The following DRICH1 variants were observed in gnomAD, a reference collection of about 807,000 sequenced individuals.
The protein encoded by DRICH1 is aspartate-rich protein 1.
DRICH1 carries 38 observed loss-of-function variants against 39.5 expected under a neutral mutation model. That is an observed-to-expected ratio of 0.96 (90% confidence interval 0.74 to 1.26). The LOEUF (loss-of-function observed/expected upper bound fraction) is 1.26, where lower values mean the gene tolerates loss of function less well. Ranked by LOEUF, DRICH1 falls within the 50% of genes most tolerant of loss-of-function variation. The pLI, the probability that DRICH1 is intolerant of heterozygous loss-of-function variation, is 0.00. For missense variants in DRICH1, 279 were observed against 270.4 expected, an observed-to-expected ratio of 1.03 and a Z score of -0.22; for synonymous variants, 84 against 99.5, an observed-to-expected ratio of 0.84 and a Z score of 0.93.
At position 23,632,219 on chromosome 22, in the gene DRICH1, T is replaced by G; in HGVS notation, c.-196A>C. ...TCTATGAGGTCAGGGACCTGCTGTC[T>G]TCTTTGAAAAATAAACGAACATGAC... On this transcript the variant is annotated 5_prime_UTR_variant, in exon 1 of 12. Transcript: ENST00000317749. 1 of 875,042 alleles carries G rather than the reference T, an allele frequency of 1.1e-6. No individual in the cohort carries two copies. Among genetic ancestry groups the G allele is most frequent in the South Asian group, 1.8e-5 (1 of 54,286 alleles). The allele number at this position is 875,042 out of a possible 1,614,324, so 54.2% of individuals were successfully genotyped here.
chr22:23,614,180 T>C lies in DRICH1; in HGVS notation c.576A>G (p.Ser192=), dbSNP rs1197660598. The C allele has an allele frequency of 6.2e-7, 1 of 1,613,854 alleles. No homozygotes were observed. Among genetic ancestry groups the C allele is most frequent in the African/African-American group, 1.3e-5 (1 of 74,940 alleles). The change falls in exon 9 of 12, where the codon TCA becomes TCG. Residue 192 remains serine, a synonymous_variant. Coordinates refer to ENST00000317749, the MANE Select transcript of DRICH1 (RefSeq NM_016449.4). The part of the protein sequence containing the change: ...CSEDSLFLRC[S]LRHKDEEEED... Reference sequence around the variant, plus strand: ...CTTCTTCTTCATCTTTGTGTCTCAGTGAGCATCTTAAAAACAGGCTATCTT... The same window carrying C: ...CTTCTTCTTCATCTTTGTGTCTCAGCGAGCATCTTAAAAACAGGCTATCTT...
At chr22:23,585,526 C>A in the DRICH1 span, among the ~76,000 whole-genome samples, 1 of 151,564 alleles carries the variant, frequency 6.6e-6, no homozygotes, top group Non-Finnish European at 1.5e-5. Flanking sequence ...TGTGGGTTTT[C>A]TTTTCTTTTT....
chr22:23,607,812 A>G (rs1419454312), downstream of DRICH1, among the ~76,000 whole-genome samples: 1 of 152,110 alleles, frequency 6.6e-6, no homozygotes, highest in East Asian at 1.9e-4. Flanking sequence ...GTCCACTGTG[A>G]CCACCATCCT....
At chr22:23,586,613 G>A in the DRICH1 span, among the ~76,000 whole-genome samples, 4 of 152,112 alleles carry the variant, frequency 2.6e-5, no homozygotes, top group Admixed American at 6.5e-5. Flanking sequence ...GCAGAATCTC[G>A]GCTCACTGCA....
chr22:23,616,474 G>T (rs745777308), intron 8 of DRICH1, among the ~76,000 whole-genome samples: 3 of 152,094 alleles, frequency 2.0e-5, no homozygotes, highest in Non-Finnish European at 4.4e-5. Flanking sequence ...CAAGCAGCAG[G>T]TATAACATGA....
rs1478292611 is a variant in DRICH1, at chr22:23,626,046, G to T, written c.211C>A (p.Pro71Thr). The T allele has an allele frequency of 1.9e-6, 3 of 1,610,846 alleles. No homozygotes were observed. Among genetic ancestry groups the T allele is most frequent in the Non-Finnish European group, 2.5e-6 (3 of 1,177,580 alleles). ...HISNQKMPTG[P>T]PEDRLSLKFL... ...TTTAAACTCAGGCGGTCCTCAGGGGGACCTAAAAGGACACAGAGTTAATGT... is the reference window on the plus strand; with the variant it reads ...TTTAAACTCAGGCGGTCCTCAGGGGTACCTAAAAGGACACAGAGTTAATGT... The change falls in exon 2 of 12, where the codon CCC becomes ACC. Residue 71 changes from proline (P) to threonine (T), a missense_variant and splice_region_variant. Physicochemically the swap from Pro to Thr is conservative, Grantham distance 38. Coordinates refer to ENST00000317749, the MANE Select transcript of DRICH1 (RefSeq NM_016449.4).
At chr22:23,617,366 C>T (rs1005553191) in intron 7 of DRICH1, among the ~76,000 whole-genome samples, 11 of 151,824 alleles carry the variant, frequency 7.2e-5, no homozygotes, top group African/African-American at 2.7e-4. Context: ...TGCCTTGAAC[C>T]GGTCTAGGTC....
At chr22:23,586,811 CT>C in the DRICH1 span, among the ~76,000 whole-genome samples, 1 of 152,180 alleles carries the variant, frequency 6.6e-6, no homozygotes, top group Non-Finnish European at 1.5e-5. Flanking sequence ...TCCCAAAGTG[CT>C]GGGATTACAG....
chr22:23,611,492 C>T (rs779431225), intron 11 of DRICH1, among the ~76,000 whole-genome samples: 8 of 151,454 alleles, frequency 5.3e-5, no homozygotes, highest in Admixed American at 6.6e-5. Context: ...CCCAGGTTCA[C>T]GCCATTCTCC....
the DRICH1 span, among the ~76,000 whole-genome samples, chr22:23,585,865 G>T: frequency 6.6e-6 from 1 of 152,150 alleles, no homozygotes. Flanking sequence ...TGTATTTAGG[G>T]TGCATACTCT....
At chr22:23,609,244 ACTGTTTAT>A (rs1926900713) in intron 11 of DRICH1, among the ~76,000 whole-genome samples, 2 of 152,196 alleles carry the variant, frequency 1.3e-5, no homozygotes, top group South Asian at 4.1e-4. Flanking sequence ...CTCTACACTG[ACTGTTTAT>A]CTGTGGAGTC....
At chr22:23,586,061 A>G in the DRICH1 span, among the ~76,000 whole-genome samples, 2 of 152,166 alleles carry the variant, frequency 1.3e-5, no homozygotes, top group South Asian at 4.1e-4. Context: ...TCAATCTTCT[A>G]TTTATTTTTG....
At chr22:23,582,320 G>C in the DRICH1 span, among the ~76,000 whole-genome samples, 6 of 151,338 alleles carry the variant, frequency 4.0e-5, no homozygotes, top group African/African-American at 9.7e-5. Context: ...CTGTTGCCCA[G>C]GCTGGAGTGC....
At chr22:23,615,122 C>T (rs1927277649) in intron 8 of DRICH1, among the ~76,000 whole-genome samples, 1 of 152,010 alleles carries the variant, frequency 6.6e-6, no homozygotes, top group Non-Finnish European at 1.5e-5. Flanking sequence ...ACCTGTAATC[C>T]CAGCAGTTTG....
intron 4 of DRICH1, among the ~76,000 whole-genome samples, chr22:23,621,634 C>T (rs1466462738): frequency 6.6e-6 from 1 of 152,068 alleles, no homozygotes; most frequent in Non-Finnish European, 1.5e-5. Flanking sequence ...TCACTTTCGG[C>T]CAGGTGGGGT....
the DRICH1 span, among the ~76,000 whole-genome samples, chr22:23,603,036 C>T: frequency 7.3e-6 from 1 of 137,706 alleles, no homozygotes; most frequent in Admixed American, 7.6e-5. Flanking sequence ...GAGACAGTCT[C>T]TCTCTGTCGC....
the DRICH1 span, among the ~76,000 whole-genome samples, chr22:23,587,397 C>T: frequency 1.2e-4 from 18 of 152,222 alleles, no homozygotes; most frequent in African/African-American, 4.3e-4. Flanking sequence ...CCTGCCCTTT[C>T]CCCCAGTTGG....
At chr22:23,583,794 C>G in the DRICH1 span, 1 of 152,534 alleles carries the variant, frequency 6.6e-6, no homozygotes, top group South Asian at 2.1e-4. Context: ...TGCCCCCGAC[C>G]CTGGCTCCTC....
the DRICH1 span, among the ~76,000 whole-genome samples, chr22:23,596,383 G>T: frequency 6.6e-6 from 1 of 151,846 alleles, no homozygotes; most frequent in African/African-American, 2.4e-5. Flanking sequence ...CCTCAGCTTC[G>T]CAAGTAGTTG....
Sources: gnomAD v4.1 joint callset for allele counts (sites outside exome capture counted in the v4.1 genomes callset) on GRCh38, gnomAD v4.1.1 for gene constraint, MANE v1.5 for transcripts, NCBI Gene and HGNC (gene_info 2026-07-23, HGNC 2026-07-21) for gene names.